The following MCC variants were observed in gnomAD, a reference collection of about 807,000 sequenced individuals.
The protein encoded by MCC is MCC regulator of Wnt signaling pathway.
Under a neutral mutation model 116.2 loss-of-function variants are expected in MCC, and 90 were observed. The observed-to-expected ratio is 0.77, with a 90% CI of 0.65 to 0.92. MCC has a LOEUF of 0.92. Among genes scored for constraint, MCC ranks in the 40% least tolerant of loss-of-function variants. MCC has a pLI of 0.00. For missense variants in MCC, 1,516 were observed against 1,312.2 expected (o/e 1.16, Z -2.40); for synonymous variants, 578 against 510.5 (o/e 1.13, Z -1.78).
intron 3 of MCC, among the ~76,000 whole-genome samples, chr5:113,197,754 G>C (rs1304655876): frequency 6.6e-6 from 1 of 152,228 alleles, no homozygotes; most frequent in African/African-American, 2.4e-5. Flanking sequence ...TTATAGTTGA[G>C]AAGAAAAGGA....
At chr5:113,389,995 A>T (rs987705732) in intron 1 of MCC, among the ~76,000 whole-genome samples, 1 of 152,212 alleles carries the variant, frequency 6.6e-6, no homozygotes, top group Non-Finnish European at 1.5e-5. Context: ...AGGCAAGGAA[A>T]GTTTTTCAGA....
rs773960401 is a variant in MCC at position 113,101,962 on chromosome 5, CAAAGA to C, written c.1192-22_1192-18del. ...CTCGACTGTCTGTAAAACACAGCCC[CAAAGA>C]AAAGTCAAGTAAGTTACCTTGGAGA... On this transcript the variant is annotated intron_variant, in intron 7 of 18. Transcript: ENST00000408903. The C allele has an allele frequency of 6.2e-7, 1 of 1,613,200 alleles. No individual in the cohort carries two copies. The highest frequency in any genetic ancestry group is 2.2e-5 in the East Asian group (1 of 44,840).
chr5:113,090,850 G>T (rs572614067), intron 8 of MCC, among the ~76,000 whole-genome samples: 2 of 152,190 alleles, frequency 1.3e-5, no homozygotes, highest in Admixed American at 6.5e-5. Flanking sequence ...ATTAAAAAAG[G>T]AACAATGAGA....
chr5:113,220,105 T>A lies in MCC; in HGVS notation c.628-68683A>T, dbSNP rs557325566. Reference sequence around the variant, plus strand: ...CGGAGTCTTGCTCTGTCACCCCGGCTGGAGTGCAGTGGCGCAATCTCGGCT... The same window carrying A: ...CGGAGTCTTGCTCTGTCACCCCGGCAGGAGTGCAGTGGCGCAATCTCGGCT... On this transcript the variant is annotated intron_variant, in intron 3 of 18. Transcript: ENST00000408903. 3.3e-5 allele frequency among the ~76,000 whole-genome samples: 2 copies of A among 61,086 alleles called. 1 individual carries two copies. The highest frequency in any genetic ancestry group is 2.2e-3 in the East Asian group (2 of 900). The allele number at this position is 61,086 out of a possible 152,430, so 40.1% of individuals were successfully genotyped here.
intron 1 of MCC, among the ~76,000 whole-genome samples, chr5:113,455,305 A>T (rs1771512085): frequency 2.0e-5 from 3 of 151,994 alleles, no homozygotes; most frequent in African/African-American, 7.3e-5. Flanking sequence ...ATATTTTCTC[A>T]TCTTCATGTC....
chr5:113,334,066 T>G (rs917303019), intron 3 of MCC, among the ~76,000 whole-genome samples: 1 of 147,518 alleles, frequency 6.8e-6, no homozygotes, highest in Non-Finnish European at 1.5e-5. Flanking sequence ...AAGCTAATAA[T>G]ACTTTAAAAA....
chr5:113,275,731 G>A (rs1324381540), intron 3 of MCC, among the ~76,000 whole-genome samples: 1 of 152,104 alleles, frequency 6.6e-6, no homozygotes, highest in African/African-American at 2.4e-5. Context: ...GCTATTATAA[G>A]TAACTAGAGA....
Position 113,385,098 on chromosome 5 carries a change from T to C in MCC, c.285A>G (p.Arg95=), listed in dbSNP as rs1336747573. 10 of 1,614,232 alleles carry C rather than the reference T, an allele frequency of 6.2e-6. No homozygotes were observed. The highest frequency in any genetic ancestry group is 2.2e-5 in the South Asian group (2 of 91,084). The part of the protein sequence containing the change: ...NGKISFQDFT[R]CRMQLVREIR... ...TTTCTCGAACAAGCTGCATGCGGCA[T>C]CTTGTGAAATCCTGAAAGGAAATCT... is the stretch of plus-strand genomic sequence containing the variant. Residue 95 remains arginine, a synonymous_variant, in exon 2 of 19, where the codon AGA becomes AGG. Transcript: ENST00000408903.
chr5:113,353,961 T>C (rs1326963723), intron 2 of MCC, among the ~76,000 whole-genome samples: 2 of 152,256 alleles, frequency 1.3e-5, no homozygotes, highest in East Asian at 1.9e-4. Flanking sequence ...CACTGTTCCA[T>C]TGTCCACTGA....
chr5:113,241,563 G>A (rs1368622689), intron 3 of MCC, among the ~76,000 whole-genome samples: 2 of 152,184 alleles, frequency 1.3e-5, no homozygotes, highest in Non-Finnish European at 1.5e-5. Context: ...GAGAGAGATT[G>A]GACCTCCAGG....
intron 1 of MCC, among the ~76,000 whole-genome samples, chr5:113,449,501 C>A (rs1322958496): frequency 1.3e-5 from 2 of 152,252 alleles, no homozygotes; most frequent in African/African-American, 4.8e-5. Flanking sequence ...CAGCCAGACA[C>A]TAGCTGTGTG....
chr5:113,195,273 C>A (rs956700412), intron 3 of MCC, among the ~76,000 whole-genome samples: 2 of 152,174 alleles, frequency 1.3e-5, no homozygotes, highest in African/African-American at 4.8e-5. Flanking sequence ...CTTAATGGCA[C>A]CCAGCATCGG....
intron 3 of MCC, among the ~76,000 whole-genome samples, chr5:113,250,388 G>A (rs1175222116): frequency 6.6e-6 from 1 of 152,202 alleles, no homozygotes; most frequent in Non-Finnish European, 1.5e-5. Flanking sequence ...AAAAGGAGAT[G>A]TAGGAAAAAC....
rs1172210145 is a variant in MCC at position 113,053,730 on chromosome 5, T to G, written c.2443A>C (p.Met815Leu). The G allele has an allele frequency of 1.9e-6, 3 of 1,604,836 alleles. No individual in the cohort carries two copies. Among genetic ancestry groups the G allele is most frequent in the Non-Finnish European group, 2.6e-6 (3 of 1,172,162 alleles). Reference sequence around the variant, plus strand: ...GGGACCCACCCACCACATACCTTCATGGCCATGAGCTCCTGCATAAGCACT... The same window carrying G: ...GGGACCCACCCACCACATACCTTCAGGGCCATGAGCTCCTGCATAAGCACT... ...NAVLMQELMA[M>L]KEEMAELKAQ... Residue 815 changes from methionine to leucine, a missense_variant, in exon 15 of 19, where the codon ATG becomes CTG. Physicochemically the swap from Met to Leu is conservative, Grantham distance 15. Transcript: ENST00000408903.
intron 1 of MCC, among the ~76,000 whole-genome samples, chr5:113,405,572 T>G (rs1037615268): frequency 6.6e-6 from 1 of 152,148 alleles, no homozygotes; most frequent in African/African-American, 2.4e-5. Context: ...GAGGATTTCT[T>G]GATGCCAGGA....
At chr5:113,170,958 T>A (rs978103401) in intron 3 of MCC, among the ~76,000 whole-genome samples, 1 of 152,112 alleles carries the variant, frequency 6.6e-6, no homozygotes, top group Non-Finnish European at 1.5e-5. Context: ...GAACTGAGAC[T>A]CTGTGGAAGC....
chr5:113,360,795 T>C (rs980530672), intron 2 of MCC, among the ~76,000 whole-genome samples: 4 of 152,210 alleles, frequency 2.6e-5, no homozygotes, highest in Non-Finnish European at 4.4e-5. Context: ...ATATTAGTTA[T>C]AATAAACCCT....
intron 2 of MCC, among the ~76,000 whole-genome samples, chr5:113,370,800 A>T (rs1045402037): frequency 6.6e-6 from 1 of 152,246 alleles, no homozygotes; most frequent in Non-Finnish European, 1.5e-5. Context: ...CACAGTCTGC[A>T]GATTCTAAAC....
At chr5:113,042,011 A>G (rs531464426) in intron 17 of MCC, among the ~76,000 whole-genome samples, 6 of 152,084 alleles carry the variant, frequency 3.9e-5, no homozygotes, top group African/African-American at 1.4e-4. Flanking sequence ...AACAAAAACA[A>G]AACCTCTCGA....
Sources: allele counts gnomAD v4.1 joint callset (sites outside exome capture counted in the v4.1 genomes callset), GRCh38; gene constraint gnomAD v4.1.1; transcripts MANE v1.5; gene names NCBI Gene and HGNC (gene_info 2026-07-23, HGNC 2026-07-21).